The following MDGA2 variants were observed in gnomAD, a reference collection of about 807,000 sequenced individuals.
The protein encoded by MDGA2 is MAM domain containing glycosylphosphatidylinositol anchor 2, also known as MAM domain-containing glycosylphosphatidylinositol anchor protein 2.
MDGA2 carries 40 observed loss-of-function variants against 117.8 expected under a neutral mutation model. The ratio of observed to expected loss-of-function variants is 0.34; its 90% CI spans 0.26 to 0.44. The LOEUF is 0.44. Ranked by LOEUF, MDGA2 falls within the 20% of genes least tolerant of loss-of-function variation. The pLI, the probability that MDGA2 is intolerant of heterozygous loss-of-function variation, is 1.00. For missense variants in MDGA2, 1,123 were observed against 1,250.6 expected (o/e 0.90, Z 1.54); for synonymous variants, 452 against 439.0 (o/e 1.03, Z -0.37).
chr14:46,881,911 T>A (rs776867501), intron 11 of MDGA2, 133 bp downstream of exon 11: 13 of 495,544 alleles, frequency 2.6e-5, no homozygotes, highest in Non-Finnish European at 4.3e-5. Context: ...TTTTGTTTAG[T>A]TAACTGGCTA....
At chr14:47,223,910 G>A (rs1413683149) in intron 2 of MDGA2, among the ~76,000 whole-genome samples, 2 of 152,076 alleles carry the variant, frequency 1.3e-5, no homozygotes, top group Admixed American at 1.3e-4. Flanking sequence ...GCCAAGCAAA[G>A]CTGGAAAAGC....
In MDGA2 at chr14:46,933,799, AATATATATATATATATATAT is replaced by A. The variant is rs34723414; in HGVS notation, c.2090-13659_2090-13640del. 4.4e-3 allele frequency among the ~76,000 whole-genome samples: 388 copies of A among 87,322 alleles called. 2 individuals are homozygous for A. Among genetic ancestry groups the A allele is most frequent in the African/African-American group, 0.014 (259 of 19,122 alleles). 57.3% of individuals were successfully genotyped at this position (87,322 alleles called of 152,430 possible). A position where few individuals can be genotyped will look rare whatever the true frequency, so the allele number is the denominator to read the frequency against. ...CAAAGTTCTACTGGTTTATGTAACA[AATATATATATATATATATAT>A]ATATATATATATATATATATATATA... On this transcript the variant is annotated intron_variant, in intron 9 of 16. Coordinates refer to ENST00000399232, the MANE Select transcript of MDGA2 (RefSeq NM_001113498.3).
chr14:47,345,865 A>C (rs1890751683), intron 1 of MDGA2, among the ~76,000 whole-genome samples: 1 of 152,090 alleles, frequency 6.6e-6, no homozygotes, highest in African/African-American at 2.4e-5. Context: ...TCAAATAGTC[A>C]AGTTTTTTAG....
chr14:47,624,895 T>A (rs1897113423), intron 1 of MDGA2, among the ~76,000 whole-genome samples: 1 of 152,190 alleles, frequency 6.6e-6, no homozygotes, highest in African/African-American at 2.4e-5. Context: ...GAATATATGA[T>A]TTTAATCTTT....
intron 10 of MDGA2, among the ~76,000 whole-genome samples, chr14:46,918,950 G>C (rs774290825): frequency 6.6e-6 from 1 of 151,888 alleles, no homozygotes; most frequent in African/African-American, 2.4e-5. Context: ...TTTTAGTAGA[G>C]ACGGGGTTTC....
At chr14:47,224,330 T>TAGATATAGATATAGATATAGATATAGATA (rs1566688963) in intron 2 of MDGA2, among the ~76,000 whole-genome samples, 14 of 151,940 alleles carry the variant, frequency 9.2e-5, no homozygotes, top group Admixed American at 2.6e-4. Context: ...GATATAGATA[T>TAGATATAGATATAGATATAGATATAGATA]TTCCTGAAAC....
At chr14:47,524,343 A>G (rs958674526) in intron 1 of MDGA2, among the ~76,000 whole-genome samples, 4 of 152,244 alleles carry the variant, frequency 2.6e-5, no homozygotes, top group Non-Finnish European at 5.9e-5. Flanking sequence ...ACCATTACAT[A>G]AAGACTTATT....
At chr14:47,399,569 A>AGCATG (rs1278693958) in intron 1 of MDGA2, among the ~76,000 whole-genome samples, 21 of 152,186 alleles carry the variant, frequency 1.4e-4, no homozygotes, top group African/African-American at 5.1e-4. Context: ...CACCCTGCAT[A>AGCATG]GCATGGCATG....
At chr14:47,389,477 G>A (rs889038657) in intron 1 of MDGA2, among the ~76,000 whole-genome samples, 7 of 151,712 alleles carry the variant, frequency 4.6e-5, no homozygotes, top group African/African-American at 1.7e-4. Flanking sequence ...TAATCTATAG[G>A]GTCTTTTTTT....
rs368680955 is a variant in MDGA2 at position 46,857,355 on chromosome 14, T to C, written c.2753-2201A>G. On this transcript the variant is annotated intron_variant, in intron 14 of 16. Coordinates refer to ENST00000399232, the MANE Select transcript of MDGA2 (RefSeq NM_001113498.3). ...CTTTAAGTAAAAATATTCTCATTTCTCTCATATTTCTTGTGAGGTTTAGAA... is the reference window on the plus strand; with the variant it reads ...CTTTAAGTAAAAATATTCTCATTTCCCTCATATTTCTTGTGAGGTTTAGAA... Among the ~76,000 whole-genome samples the C allele has an allele frequency of 1.3e-3, 195 of 152,226 alleles. 2 individuals carry two copies. The highest frequency in any genetic ancestry group is 4.5e-3 in the African/African-American group (187 of 41,500).
intron 1 of MDGA2, among the ~76,000 whole-genome samples, chr14:47,536,129 C>T (rs374181885): frequency 6.6e-6 from 1 of 152,124 alleles, no homozygotes; most frequent in Non-Finnish European, 1.5e-5. Flanking sequence ...ATGGAACCCT[C>T]CCTCTAGGTG....
intron 1 of MDGA2, among the ~76,000 whole-genome samples, chr14:47,556,986 A>G (rs560910860): frequency 2.6e-5 from 4 of 152,218 alleles, no homozygotes; most frequent in African/African-American, 2.4e-5. Context: ...CCAAAGACAC[A>G]TGTATCCAGT....
At chr14:46,871,970 A>AAAAAAT (rs975120942) in intron 14 of MDGA2, 1 of 262,974 alleles carries the variant, frequency 3.8e-6, no homozygotes, top group African/African-American at 2.2e-5. Flanking sequence ...CCTGTCTCAT[A>AAAAAAT]AAAAATAAAA....
At chr14:47,570,155 T>C (rs1241152663) in intron 1 of MDGA2, among the ~76,000 whole-genome samples, 1 of 152,128 alleles carries the variant, frequency 6.6e-6, no homozygotes, top group Non-Finnish European at 1.5e-5. Context: ...ATCTTCTTTC[T>C]CAAATATGCC....
At chr14:47,377,873 G>A (rs1389810525) in intron 1 of MDGA2, among the ~76,000 whole-genome samples, 3 of 152,210 alleles carry the variant, frequency 2.0e-5, no homozygotes, top group African/African-American at 7.2e-5. Context: ...GGTTCTCCCA[G>A]CATGGAGTTT....
chr14:47,119,183 C>G lies in MDGA2; in HGVS notation c.925+12531G>C, dbSNP rs57023210. Among the ~76,000 whole-genome samples, 66 of 53,620 alleles carry G rather than the reference C, an allele frequency of 1.2e-3. 6 individuals carry two copies. The highest frequency in any genetic ancestry group is 6.9e-3 in the South Asian group (7 of 1,018). The allele number at this position is 53,620 out of a possible 152,430, so 35.2% of individuals were successfully genotyped here. ...CTCCTGCCTCAGCCCCGCCCCCCCC[C>G]CCCCACCCCGTAGCTGGGACTACAG... is the stretch of plus-strand genomic sequence containing the variant. On this transcript the variant is annotated intron_variant, in intron 5 of 16. Transcript: ENST00000399232.
At chr14:47,495,993 T>G (rs928091449) in intron 1 of MDGA2, among the ~76,000 whole-genome samples, 1 of 152,032 alleles carries the variant, frequency 6.6e-6, no homozygotes, top group Admixed American at 6.6e-5. Flanking sequence ...ATTGAATTTT[T>G]TTCAAAGCTA....
At chr14:47,017,994 G>C (rs1888143576) in intron 8 of MDGA2, among the ~76,000 whole-genome samples, 2 of 151,780 alleles carry the variant, frequency 1.3e-5, no homozygotes, top group African/African-American at 4.8e-5. Flanking sequence ...TTTTATCTTC[G>C]ATAGTCCTTC....
At chr14:47,036,180 G>A (rs911893707) in intron 7 of MDGA2, among the ~76,000 whole-genome samples, 1 of 143,238 alleles carries the variant, frequency 7.0e-6, no homozygotes, top group Non-Finnish European at 1.5e-5. Context: ...TGAGGCAGGA[G>A]AATGGTGTGA....
Sources: gnomAD v4.1 joint callset for allele counts (sites outside exome capture counted in the v4.1 genomes callset) on GRCh38, gnomAD v4.1.1 for gene constraint, MANE v1.5 for transcripts, NCBI Gene and HGNC (gene_info 2026-07-23, HGNC 2026-07-21) for gene names.